The following SETD2 variants were observed in gnomAD, a reference collection of about 807,000 sequenced individuals.
SETD2 encodes the protein histone-lysine N-methyltransferase SETD2.
A neutral mutation model predicts 242.1 loss-of-function variants in SETD2; 31 were observed. The observed-to-expected ratio is 0.13, with a 90% confidence interval of 0.10 to 0.17. SETD2 has a LOEUF of 0.17. Ranked by LOEUF, SETD2 falls within the 10% of genes least tolerant of loss-of-function variation. SETD2 has a pLI of 1.00. For missense variants in SETD2, 2,481 were observed against 3,046.3 expected, an observed-to-expected ratio of 0.81 and a Z score of 4.37; for synonymous variants, 1,006 against 1,066.5, an observed-to-expected ratio of 0.94 and a Z score of 1.11.
chr3:47,072,683 A>C (rs1318758777), intron 12 of SETD2, among the ~76,000 whole-genome samples: 1 of 151,936 alleles, frequency 6.6e-6, no homozygotes, highest in African/African-American at 2.4e-5. Context: ...CGGTGACTCA[A>C]GCCTGTAATC....
chr3:47,063,012 G>A (rs1462680963), intron 13 of SETD2, among the ~76,000 whole-genome samples: 1 of 152,100 alleles, frequency 6.6e-6, no homozygotes, highest in Non-Finnish European at 1.5e-5. Flanking sequence ...GTATAAATGG[G>A]GGACTGGTTC....
Position 47,124,237 on chromosome 3 carries a change from T to C in SETD2, c.399A>G (p.Pro133=), listed in dbSNP as rs1178691216. The change falls in exon 3 of 21, where the codon CCA becomes CCG. Residue 133 remains proline, a synonymous_variant. Transcript: ENST00000409792. The stretch of plus-strand genomic sequence containing the variant: ...TTTTGCCCAATTCCACCCTTGACTT[T>C]GGTGGGGAAGATTCTTCTGCAGTAG... The part of the protein sequence containing the change: ...TLSTAEESSP[P]KSRVELGKIH... The C allele has an allele frequency of 1.3e-6, 2 of 1,551,636 alleles. No homozygotes were observed. The highest frequency in any genetic ancestry group is 1.4e-5 in the African/African-American group (1 of 73,072).
At chr3:47,101,591 C>T (rs1237036791) in intron 7 of SETD2, 36 bp from the exon 8 acceptor site, 1 of 1,114,262 alleles carries the variant, frequency 9.0e-7, no homozygotes, top group African/African-American at 1.7e-5. Context: ...AAATTAGTAA[C>T]TTATTAGTGT....
chr3:47,059,564 C>T (rs539336295), intron 14 of SETD2, among the ~76,000 whole-genome samples: 1 of 151,782 alleles, frequency 6.6e-6, no homozygotes, highest in South Asian at 2.1e-4. Context: ...GGACTACAAT[C>T]ATGTGCCACC....
chr3:47,032,339 AC>A (rs1418681071), intron 18 of SETD2, among the ~76,000 whole-genome samples: 1 of 151,776 alleles, frequency 6.6e-6, no homozygotes, highest in East Asian at 1.9e-4. Context: ...ACACCACCAG[AC>A]CCTGTCTCTA....
intron 18 of SETD2, among the ~76,000 whole-genome samples, chr3:47,026,670 T>C (rs2038493691): frequency 6.6e-6 from 1 of 151,382 alleles, no homozygotes; most frequent in Non-Finnish European, 1.5e-5. Context: ...TGGATAAAGC[T>C]GGAGACCATC....
chr3:47,129,688 C>T (rs1415179271), intron 1 of SETD2, among the ~76,000 whole-genome samples: 1 of 152,120 alleles, frequency 6.6e-6, no homozygotes. Context: ...GAGTTCAAGA[C>T]CACCCTGCCC....
intron 1 of SETD2, among the ~76,000 whole-genome samples, chr3:47,131,564 C>T (rs950384255): frequency 8.5e-5 from 13 of 152,132 alleles, no homozygotes; most frequent in South Asian, 2.1e-4. Context: ...AGGATGGTCT[C>T]GATCTCGACC....
chr3:47,023,729 T>G (rs1259231042), intron 18 of SETD2, among the ~76,000 whole-genome samples: 1 of 152,142 alleles, frequency 6.6e-6, no homozygotes, highest in Non-Finnish European at 1.5e-5. Flanking sequence ...GTATAACCAC[T>G]ATTTATATAG....
intron 1 of SETD2, among the ~76,000 whole-genome samples, chr3:47,127,787 G>A (rs2043376519): frequency 6.6e-6 from 1 of 152,202 alleles, no homozygotes; most frequent in Non-Finnish European, 1.5e-5. Flanking sequence ...CCGGGAGGTG[G>A]AGGTTGCAGT....
At chr3:47,090,452 C>T (rs1356956353) in intron 9 of SETD2, among the ~76,000 whole-genome samples, 1 of 151,838 alleles carries the variant, frequency 6.6e-6, no homozygotes, top group Non-Finnish European at 1.5e-5. Context: ...TGCAGTGGCG[C>T]GGATCTCAGC....
chr3:47,035,964 T>C (rs567248551), intron 18 of SETD2, among the ~76,000 whole-genome samples: 4 of 152,376 alleles, frequency 2.6e-5, no homozygotes, highest in Admixed American at 6.5e-5. Context: ...AAGTGATTTA[T>C]GTGATTCATT....
rs1184883837 is a variant in SETD2, at chr3:47,134,248, T to TG, written c.72-7586dup. ...CAAGTACAGGTGGAAGCCTCTGTTG[T>TG]GGGGGGGAAAAGTTTGGAACGAATG... On this transcript the variant is annotated intron_variant, in intron 1 of 20. Transcript: ENST00000409792. Among the ~76,000 whole-genome samples the TG allele has an allele frequency of 9.2e-5, 14 of 152,216 alleles. No homozygotes were observed. The East Asian group carries it at 9.6e-4, about 10-fold the overall frequency.
At position 47,095,812 on chromosome 3, in the gene SETD2, G is replaced by GA. The variant is rs1053194205; in HGVS notation, c.5142+2142dup. Among the ~76,000 whole-genome samples, 17 of 145,764 alleles carry GA rather than the reference G, an allele frequency of 1.2e-4. No individual in the cohort carries two copies. In the East Asian group the frequency reaches 3.4e-3, roughly 30 times the overall value. ...TCATGCAGAAGTTGAGAAAAAAAAAGAAAAAAATTACAGCAATTAGAAATA... is the reference window on the plus strand; with the variant it reads ...TCATGCAGAAGTTGAGAAAAAAAAAGAAAAAAAATTACAGCAATTAGAAATA... On this transcript the variant is annotated intron_variant, in intron 9 of 20. Transcript: ENST00000409792.
rs2043212204 is a variant in SETD2, at chr3:47,123,865, G to A, written c.771C>T (p.Asp257=). 1 of 1,551,140 alleles carries A rather than the reference G, an allele frequency of 6.4e-7. No individual in the cohort carries two copies. The highest frequency in any genetic ancestry group is 8.7e-7 in the Non-Finnish European group (1 of 1,146,246). Residue 257 remains aspartate, a synonymous_variant, in exon 3 of 21, where the codon GAC becomes GAT. Transcript: ENST00000409792. ...PESLEADTKQ[D]TISNSLEEHV... ...GTTCTTCTAAACTATTAGATATAGT[G>A]TCCTGCTTAGTATCTGCTTCTAAAG...
intron 17 of SETD2, among the ~76,000 whole-genome samples, chr3:47,041,656 GACAC>G (rs756131656): frequency 6.6e-6 from 1 of 151,520 alleles, no homozygotes; most frequent in Non-Finnish European, 1.5e-5. Context: ...CACACACAGA[GACAC>G]ACACACACAA....
Position 47,083,769 on chromosome 3 carries a change from T to C in SETD2, c.6011A>G (p.Asp2004Gly), listed in dbSNP as rs1444726256. Residue 2004 changes from aspartate (D) to glycine (G), a missense_variant, in exon 12 of 21, where the codon GAT becomes GGT. By Grantham distance (94) the Asp-to-Gly change is moderately conservative. Transcript: ENST00000409792. Reference sequence around the variant, plus strand: ...GAGTTTGGTGGCCAAATCACTTATATCCACTGTTTTATCTGGCTGTTCTTG... The same window carrying C: ...GAGTTTGGTGGCCAAATCACTTATACCCACTGTTTTATCTGGCTGTTCTTG... ...RSQEQPDKTV[D>G]ISDLATKLLD... The C allele has an allele frequency of 6.2e-7, 1 of 1,614,106 alleles. No homozygotes were observed. Among genetic ancestry groups the C allele is most frequent in the Non-Finnish European group, 8.5e-7 (1 of 1,179,998 alleles).
At chr3:47,116,333 C>T (rs1027075811) in intron 4 of SETD2, among the ~76,000 whole-genome samples, 3 of 152,004 alleles carry the variant, frequency 2.0e-5, no homozygotes, top group African/African-American at 7.2e-5. Flanking sequence ...ACCTCTAGGA[C>T]ATAAATATTA....
chr3:47,066,128 G>A (rs1181380389), intron 13 of SETD2, among the ~76,000 whole-genome samples: 1 of 152,178 alleles, frequency 6.6e-6, no homozygotes, highest in East Asian at 1.9e-4. Flanking sequence ...CCTCTATGAT[G>A]ATCTATTTCC....
Sources: allele counts gnomAD v4.1 joint callset (sites outside exome capture counted in the v4.1 genomes callset), GRCh38; gene constraint gnomAD v4.1.1; transcripts MANE v1.5; gene names NCBI Gene and HGNC (gene_info 2026-07-23, HGNC 2026-07-21).